The following YY1AP1 variants were observed in gnomAD, a reference collection of about 807,000 sequenced individuals.
The protein encoded by YY1AP1 is YY1-associated protein 1.
In YY1AP1, 43 loss-of-function variants were observed where a neutral mutation model predicts 39.9. The ratio of observed to expected loss-of-function variants is 1.08; its 90% CI spans 0.84 to 1.39. The LOEUF is 1.39. Ranked by LOEUF, YY1AP1 falls within the 40% of genes most tolerant of loss-of-function variation. The pLI, the probability that YY1AP1 is intolerant of heterozygous loss-of-function variation, is 0.00. For missense variants in YY1AP1, 813 were observed against 900.7 expected (o/e 0.90, Z 1.25); for synonymous variants, 292 against 331.3 (o/e 0.88, Z 1.29).
In YY1AP1 at chr1:155,675,275, C is replaced by G. The variant is rs557857495; in HGVS notation, c.325-179G>C. Among the ~76,000 whole-genome samples, 4 of 152,168 alleles carry G rather than the reference C, an allele frequency of 2.6e-5. No homozygotes were observed. The South Asian group carries it at 8.3e-4, about 32-fold the overall frequency. On this transcript the variant is annotated intron_variant, in intron 5 of 10. Transcript: ENST00000355499. ...ACCTGTGCTCAAGCAATCTTCCCAC[C>G]TCAGCCTCCCAAGTAGCTGTGACCA... is the stretch of plus-strand genomic sequence containing the variant.
rs760274842 is a variant in YY1AP1, at chr1:155,668,662, G to T, written c.844C>A (p.Leu282Ile). ...ARQLTVRIKN[L>I]NMNRAPDNII... ...TTGTCAGGAGCTCTGTTCATGTTGA[G>T]GTTCTTGATTCTCACTGTCAGTTGG... Residue 282 changes from leucine (L) to isoleucine (I), a missense_variant, in exon 9 of 11, where the codon CTC becomes ATC. By Grantham distance (5) the Leu-to-Ile change is conservative. Around this residue, in one of 3 missense-constraint regions of YY1AP1, gnomAD observed 586 missense variants for 647.4 expected, o/e 0.91. Transcript: ENST00000355499. 4 of 1,614,032 alleles carry T rather than the reference G, an allele frequency of 2.5e-6. No homozygotes were observed. The highest frequency in any genetic ancestry group is 3.4e-6 in the Non-Finnish European group (4 of 1,180,038).
At position 155,676,652 on chromosome 1, in the gene YY1AP1, G is replaced by C; in HGVS notation, c.220C>G (p.Gln74Glu). Residue 74 changes from glutamine to glutamate, a missense_variant, in exon 5 of 11, where the codon CAG (glutamine) becomes GAG (glutamate). By Grantham distance (29) the Gln-to-Glu change is conservative. This residue lies in a region of YY1AP1 where 196 missense variants were observed against 189.7 expected (regional missense o/e 1.03). Coordinates refer to ENST00000355499, the MANE Select transcript of YY1AP1 (RefSeq NM_139119.3). ...QLKMKKPSAK[Q>E]QKEVEKVKPQ... ...TTAACCTTCTCTACCTCCTTCTGCT[G>C]TTTGGCTGAAGGTTTCTTCATCTTC... 1 of 1,614,164 alleles carries C rather than the reference G, an allele frequency of 6.2e-7. No homozygotes were observed.
At chr1:155,672,918 ATTC>A (rs1650073614) in intron 6 of YY1AP1, among the ~76,000 whole-genome samples, 187 bp from the exon 7 acceptor site, 1 of 152,212 alleles carries the variant, frequency 6.6e-6, no homozygotes. Context: ...CAGGGATTAT[ATTC>A]TTGTTTTATT....
intron 6 of YY1AP1, among the ~76,000 whole-genome samples, chr1:155,673,303 C>T (rs1343477230): frequency 1.3e-5 from 2 of 152,076 alleles, no homozygotes; most frequent in Non-Finnish European, 2.9e-5. Context: ...GATGAGTCAC[C>T]TCACCCGACC....
intron 4 of YY1AP1, among the ~76,000 whole-genome samples, chr1:155,677,946 A>G (rs1650958523): frequency 6.6e-6 from 1 of 152,160 alleles, no homozygotes; most frequent in Non-Finnish European, 1.5e-5. Context: ...CTTACTCTCT[A>G]TGGACTTACA....
intron 9 of YY1AP1, among the ~76,000 whole-genome samples, chr1:155,667,952 A>AC (rs1491496624): frequency 6.8e-5 from 10 of 147,472 alleles, no homozygotes; most frequent in African/African-American, 2.4e-4. Flanking sequence ...AGACACACAC[A>AC]AACACACACA....
chr1:155,683,377 G>C (rs886818409), intron 2 of YY1AP1, among the ~76,000 whole-genome samples: 1 of 152,060 alleles, frequency 6.6e-6, no homozygotes, highest in African/African-American at 2.4e-5. Context: ...GGCTAGGCGT[G>C]GTGGCTCACA....
intron 4 of YY1AP1, among the ~76,000 whole-genome samples, chr1:155,677,292 C>T (rs1488633124): frequency 6.6e-6 from 1 of 152,150 alleles, no homozygotes; most frequent in East Asian, 1.9e-4. Context: ...AAAATATTAT[C>T]CATGAAGGCT....
intron 10 of YY1AP1, 62 bp from the exon 11 acceptor site, chr1:155,660,975 T>G: frequency 6.2e-7 from 1 of 1,611,260 alleles, no homozygotes; most frequent in Non-Finnish European, 8.5e-7. Context: ...AGAATAGGAC[T>G]TTCTAAGTTT....
chr1:155,688,102 G>A lies in YY1AP1; in HGVS notation c.-52C>T. 1 of 1,608,624 alleles carries A rather than the reference G, an allele frequency of 6.2e-7. No individual in the cohort carries two copies. The highest frequency in any genetic ancestry group is 1.1e-5 in the South Asian group (1 of 90,382). ...GGAGGCCGAGAGCGATGAGAGTACA[G>A]GGAAGTGAGGAAGAGGGGGTGGCCG... On this transcript the variant is annotated 5_prime_UTR_variant, in exon 2 of 11. Transcript: ENST00000355499.
rs199876978 is a variant in YY1AP1 at position 155,659,823 on chromosome 1, C to T, written c.2087G>A (p.Ser696Asn). Residue 696 changes from serine (S) to asparagine (N), a missense_variant, in exon 11 of 11, where the codon AGT (serine) becomes AAT (asparagine). By Grantham distance (46) the Ser-to-Asn change is conservative. Transcript: ENST00000355499. Reference sequence around the variant, plus strand: ...TTTCACAACGGTCCAGCGATAGGCACTGTTCTCTGACAATCCTTCTTGGCA... The same window carrying T: ...TTTCACAACGGTCCAGCGATAGGCATTGTTCTCTGACAATCCTTCTTGGCA... ...KQCQEGLSEN[S>N]AYRWTVVKTE... 142 of 1,614,138 alleles carry T rather than the reference C, an allele frequency of 8.8e-5. No homozygotes were observed. Among genetic ancestry groups the T allele is most frequent in the Non-Finnish European group, 3.7e-5 (44 of 1,180,050 alleles).
intron 6 of YY1AP1, 172 bp downstream of exon 6, chr1:155,674,837 GA>G: frequency 1.8e-6 from 1 of 554,654 alleles, no homozygotes. Flanking sequence ...AAAAAGAAAA[GA>G]AAAAATTGAA....
intron 8 of YY1AP1, among the ~76,000 whole-genome samples, chr1:155,669,958 A>C (rs1375965196): frequency 6.6e-6 from 1 of 152,138 alleles, no homozygotes; most frequent in Non-Finnish European, 1.5e-5. Flanking sequence ...CCAGGAGTTC[A>C]AGGCTGCAGT....
intron 5 of YY1AP1, among the ~76,000 whole-genome samples, chr1:155,676,114 C>A (rs188364852): frequency 5.3e-5 from 8 of 151,834 alleles, no homozygotes; most frequent in African/African-American, 1.2e-4. Flanking sequence ...CACAGCTACT[C>A]GGGAGGCTGA....
Position 155,676,651 on chromosome 1 carries a change from TGTTTGGCTGAAG to T in YY1AP1, c.209_220del (p.Pro70_Lys73del), listed in dbSNP as rs1230331226. On this transcript the variant is annotated inframe_deletion, in exon 5 of 11. Transcript: ENST00000355499. The stretch of plus-strand genomic sequence containing the variant: ...TTTAACCTTCTCTACCTCCTTCTGC[TGTTTGGCTGAAG>T]GTTTCTTCATCTTCAGCTGTTCAAA... The T allele has an allele frequency of 6.2e-7, 1 of 1,614,100 alleles. No homozygotes were observed. The highest frequency in any genetic ancestry group is 8.5e-7 in the Non-Finnish European group (1 of 1,180,048).
chr1:155,668,560 A>C, intron 9 of YY1AP1, 67 bp downstream of exon 9: 1 of 1,611,918 alleles, frequency 6.2e-7, no homozygotes, highest in Non-Finnish European at 8.5e-7. Context: ...TTCTTTGAGA[A>C]TAACAAGAGA....
At chr1:155,675,358 C>T (rs570294961) in intron 5 of YY1AP1, among the ~76,000 whole-genome samples, 12 of 151,900 alleles carry the variant, frequency 7.9e-5, no homozygotes, top group African/African-American at 2.7e-4. Flanking sequence ...GACAGAGTCT[C>T]GCACTGACTT....
rs371175750 is a variant in YY1AP1, at chr1:155,686,185, G to A, written c.-21+1886C>T. On this transcript the variant is annotated intron_variant, in intron 2 of 10. Transcript: ENST00000355499. ...CGAGTAGCTGGGACTACAGGCGCCC[G>A]CCACCACGCCCGGCTAATTTTTTGT... 9.9e-5 allele frequency among the ~76,000 whole-genome samples: 15 copies of A among 151,564 alleles called. No homozygotes were observed. In the East Asian group the frequency reaches 1.2e-3, roughly 12 times the overall value.
chr1:155,665,456 A>G (rs535902906), intron 9 of YY1AP1, among the ~76,000 whole-genome samples: 1 of 152,048 alleles, frequency 6.6e-6, no homozygotes, highest in Admixed American at 6.6e-5. Flanking sequence ...AAAATTAGCC[A>G]GGCGTAGTGG....
Sources: gnomAD v4.1 joint callset for allele counts (sites outside exome capture counted in the v4.1 genomes callset) on GRCh38, gnomAD v4.1.1 for gene constraint, gnomAD v4.1.1 regional missense constraint, MANE v1.5 for transcripts, NCBI Gene and HGNC (gene_info 2026-07-23, HGNC 2026-07-21) for gene names.